DLGAP2: variants seen among roughly 807,000 people sequenced by gnomAD.
DLGAP2 encodes the protein DLG associated protein 2, also known as disks large-associated protein 2.
DLGAP2 carries 26 observed loss-of-function variants against 100.3 expected under a neutral mutation model. The ratio of observed to expected loss-of-function variants is 0.26; its 90% CI spans 0.19 to 0.36. DLGAP2 has a LOEUF of 0.36. Ranked by LOEUF, DLGAP2 falls within the 10% of genes least tolerant of loss-of-function variation. The pLI is 1.00. For synonymous variants in DLGAP2, 886 were observed against 630.1 expected (o/e 1.41, Z -6.08); for missense variants, 1,858 against 1,453.2 (o/e 1.28, Z -4.53).
intron 3 of DLGAP2, among the ~76,000 whole-genome samples, chr8:1,287,507 G>GTT (rs1207918094): frequency 1.0e-5 from 1 of 100,346 alleles, no homozygotes; most frequent in Non-Finnish European, 1.9e-5. Flanking sequence ...GTTCTGTTAG[G>GTT]AGGGGAACTA....
chr8:932,100 T>C (rs1386769272), intron 2 of DLGAP2, among the ~76,000 whole-genome samples: 1 of 152,216 alleles, frequency 6.6e-6, no homozygotes, highest in East Asian at 1.9e-4. Context: ...TTCCTGTGAG[T>C]TGGCTAGGAT....
At chr8:1,640,644 A>G (rs987743595) in intron 8 of DLGAP2, among the ~76,000 whole-genome samples, 2 of 152,090 alleles carry the variant, frequency 1.3e-5, no homozygotes, top group African/African-American at 4.8e-5. Flanking sequence ...TGAAGACGCC[A>G]TCCCTGTGTC....
In DLGAP2 at chr8:1,668,614, A is replaced by G; in HGVS notation, c.2096A>G (p.Lys699Arg). The G allele has an allele frequency of 6.2e-7, 1 of 1,600,670 alleles. No homozygotes were observed. Among genetic ancestry groups the G allele is most frequent in the Non-Finnish European group, 8.5e-7 (1 of 1,174,368 alleles). ...SQSSSVRTSD[K>R]AILVSKAEEL... ...AGCAGCTCTGTGCGGACCAGCGACA[A>G]GGCCATCCTGGTGTCCAAGGCGGAG... The change falls in exon 9 of 15, where the codon AAG becomes AGG. Residue 699 changes from lysine to arginine, a missense_variant. Coordinates refer to ENST00000637795, the MANE Select transcript of DLGAP2 (RefSeq NM_001346810.2).
chr8:747,339 G>C (rs2132565316), intron 1 of DLGAP2, among the ~76,000 whole-genome samples: 1 of 152,232 alleles, frequency 6.6e-6, no homozygotes. Context: ...TCGAGCCGTA[G>C]TGACAAATGC....
chr8:1,560,646 C>T (rs748703809), intron 5 of DLGAP2, among the ~76,000 whole-genome samples: 1 of 152,218 alleles, frequency 6.6e-6, no homozygotes, highest in African/African-American at 2.4e-5. Flanking sequence ...CTGCCCGCCA[C>T]CTGGCCTGAA....
intron 1 of DLGAP2, among the ~76,000 whole-genome samples, chr8:862,517 T>C (rs113606376): frequency 0.046 from 7,073 of 152,238 alleles, 269 homozygotes; most frequent in African/African-American, 0.096. Context: ...TTGGCTAGGC[T>C]GGTCTCGATC....
intron 3 of DLGAP2, among the ~76,000 whole-genome samples, chr8:1,375,302 G>A (rs56304533): frequency 2.7e-3 from 66 of 24,088 alleles, no homozygotes; most frequent in African/African-American, 4.0e-3. Flanking sequence ...CCTCTCCACG[G>A]CCTCAGAACT....
chr8:899,145 G>C (rs533931623), intron 1 of DLGAP2, among the ~76,000 whole-genome samples: 1 of 152,144 alleles, frequency 6.6e-6, no homozygotes, highest in South Asian at 2.1e-4. Context: ...CGCCACTGAC[G>C]CCGCATCTCC....
intron 3 of DLGAP2, among the ~76,000 whole-genome samples, chr8:1,263,204 AT>A (rs1466759394): frequency 6.6e-6 from 1 of 152,208 alleles, no homozygotes; most frequent in Admixed American, 6.5e-5. Flanking sequence ...GCAATAGATG[AT>A]TGTGATGGCA....
At chr8:1,260,366 G>C (rs886418052) in intron 3 of DLGAP2, among the ~76,000 whole-genome samples, 2 of 151,960 alleles carry the variant, frequency 1.3e-5, no homozygotes, top group African/African-American at 4.8e-5. Context: ...CTTGTAAATA[G>C]TGGTTTAAAC....
intron 3 of DLGAP2, among the ~76,000 whole-genome samples, chr8:1,307,743 C>A (rs1014754722): frequency 1.3e-5 from 2 of 152,126 alleles, no homozygotes; most frequent in African/African-American, 4.8e-5. Flanking sequence ...TGAAGACATT[C>A]CACAAAATGA....
At chr8:812,434 C>G (rs962760349) in intron 1 of DLGAP2, among the ~76,000 whole-genome samples, 2 of 152,140 alleles carry the variant, frequency 1.3e-5, no homozygotes, top group Admixed American at 6.5e-5. Flanking sequence ...CCGCCAGACT[C>G]TCAGCATTGA....
intron 3 of DLGAP2, among the ~76,000 whole-genome samples, chr8:1,479,185 G>T (rs891020222): frequency 8.5e-5 from 13 of 152,252 alleles, no homozygotes; most frequent in African/African-American, 3.1e-4. Context: ...GAGAGGCTGT[G>T]AGTCTGGAGT....
intron 3 of DLGAP2, among the ~76,000 whole-genome samples, chr8:1,331,074 G>A (rs564163297): frequency 1.2e-4 from 18 of 152,328 alleles, no homozygotes; most frequent in African/African-American, 3.6e-4. Flanking sequence ...GGGAGGACGG[G>A]CTGCTCCTAG....
chr8:1,352,463 A>G (rs1434383735), intron 3 of DLGAP2, among the ~76,000 whole-genome samples: 1 of 152,100 alleles, frequency 6.6e-6, no homozygotes, highest in Non-Finnish European at 1.5e-5. Context: ...GCTGGGTCTC[A>G]GCTCTTATCA....
intron 2 of DLGAP2, among the ~76,000 whole-genome samples, chr8:1,064,527 G>T (rs2129035877): frequency 6.6e-6 from 1 of 152,310 alleles, no homozygotes; most frequent in East Asian, 1.9e-4. Context: ...TTATTTAACT[G>T]GCATTGATAA....
intron 2 of DLGAP2, among the ~76,000 whole-genome samples, chr8:1,008,465 G>A (rs1801184583): frequency 6.6e-6 from 1 of 152,196 alleles, no homozygotes; most frequent in African/African-American, 2.4e-5. Context: ...TGTGTTCTTG[G>A]AAAGGAAACA....
chr8:1,063,392 C>G (rs1022437422), intron 2 of DLGAP2, among the ~76,000 whole-genome samples: 1 of 152,104 alleles, frequency 6.6e-6, no homozygotes, highest in African/African-American at 2.4e-5. Flanking sequence ...GGGGTTGTAC[C>G]GTCCACAAAG....
intron 2 of DLGAP2, among the ~76,000 whole-genome samples, chr8:1,178,781 A>C (rs913610189): frequency 1.3e-5 from 2 of 152,186 alleles, no homozygotes; most frequent in African/African-American, 2.4e-5. Context: ...TGCCAATTCC[A>C]GGGAAGACCC....
Sources: allele counts gnomAD v4.1 joint callset (sites outside exome capture counted in the v4.1 genomes callset), GRCh38; gene constraint gnomAD v4.1.1; transcripts MANE v1.5; gene names NCBI Gene and HGNC (gene_info 2026-07-23, HGNC 2026-07-21).